The following ZNF385D variants were observed in gnomAD, a reference collection of about 807,000 sequenced individuals.
ZNF385D encodes zinc finger protein 659.
Under a neutral mutation model 35.8 loss-of-function variants are expected in ZNF385D, and 15 were observed. The ratio of observed to expected loss-of-function variants is 0.42; its 90% CI spans 0.28 to 0.64. The LOEUF (loss-of-function observed/expected upper bound fraction) is 0.64, where lower values mean the gene tolerates loss of function less well. Among genes scored for constraint, ZNF385D ranks in the 30% least tolerant of loss-of-function variants. The pLI is 0.23. For missense variants in ZNF385D, 474 were observed against 494.6 expected (o/e 0.96, Z 0.39); for synonymous variants, 212 against 186.8 (o/e 1.13, Z -1.10).
intron 3 of ZNF385D, among the ~76,000 whole-genome samples, chr3:21,761,738 C>A (rs2070619171): frequency 7.6e-6 from 1 of 131,968 alleles, no homozygotes. Flanking sequence ...GAATGCAGAT[C>A]CAATTTTCTC....
intron 1 of ZNF385D, among the ~76,000 whole-genome samples, chr3:21,705,415 C>T (rs1323342363): frequency 6.6e-6 from 1 of 152,092 alleles, no homozygotes; most frequent in Admixed American, 6.5e-5. Context: ...TATAGAAGTC[C>T]CAAAGAGCAT....
intron 3 of ZNF385D, among the ~76,000 whole-genome samples, chr3:21,766,249 T>G (rs1255940565): frequency 1.3e-5 from 2 of 152,118 alleles, no homozygotes; most frequent in Non-Finnish European, 2.9e-5. Flanking sequence ...AAGATTTACA[T>G]AGAAAGATGA....
intron 2 of ZNF385D, among the ~76,000 whole-genome samples, chr3:22,225,940 C>T (rs73821335): frequency 0.16 from 24,072 of 152,134 alleles, 1,990 homozygotes; most frequent in Middle Eastern, 0.23. Flanking sequence ...TGTCTCTTTA[C>T]AAAGAGCACA....
At chr3:21,602,187 G>A (rs967826203) in intron 2 of ZNF385D, among the ~76,000 whole-genome samples, 1 of 152,068 alleles carries the variant, frequency 6.6e-6, no homozygotes, top group Admixed American at 6.6e-5. Context: ...CAGGAGAACA[G>A]TATGGGGGAA....
intron 3 of ZNF385D, among the ~76,000 whole-genome samples, chr3:21,863,680 T>C (rs1697179618): frequency 6.6e-6 from 1 of 152,124 alleles, no homozygotes. Context: ...TCTGCAGTGA[T>C]ATAATTTCGA....
chr3:21,474,741 G>C (rs1372456907), intron 4 of ZNF385D, among the ~76,000 whole-genome samples: 1 of 152,086 alleles, frequency 6.6e-6, no homozygotes, highest in Non-Finnish European at 1.5e-5. Context: ...CCTCTCACAA[G>C]TCTTGCTGTC....
At chr3:22,131,637 CA>C (rs1036332029) in intron 3 of ZNF385D, among the ~76,000 whole-genome samples, 6 of 152,156 alleles carry the variant, frequency 3.9e-5, no homozygotes, top group African/African-American at 1.4e-4. Flanking sequence ...AAGGCCACTG[CA>C]AAGAGAACAG....
At position 21,811,885 on chromosome 3, in the gene ZNF385D, G is replaced by A. The variant is rs566996504; in HGVS notation, c.326-146857C>T. On this transcript the variant is annotated intron_variant, in intron 3 of 5. Coordinates refer to the ZNF385D transcript ENST00000494108. ...GGTGAATTGCATAATGAATAGATTA[G>A]GGTAACAAAACCTGATCCATTGATC... Among the ~76,000 whole-genome samples the A allele has an allele frequency of 1.4e-3, 211 of 152,198 alleles. 1 individual carries two copies. Among genetic ancestry groups the A allele is most frequent in the African/African-American group, 4.9e-3 (202 of 41,546 alleles).
rs996589616 is a variant in ZNF385D, at chr3:21,420,661, C to A, written c.*553G>T. 1 of 152,738 alleles carries A rather than the reference C, an allele frequency of 6.5e-6. No individual in the cohort carries two copies. The highest frequency in any genetic ancestry group is 1.5e-5 in the Non-Finnish European group (1 of 68,456). 9.5% of individuals were successfully genotyped at this position (152,738 alleles called of 1,614,324 possible). ...TAGTGGCATAGATTGAGACACAGCA[C>A]TATTGTTTTACAAGACATCTACTGT... On this transcript the variant is annotated 3_prime_UTR_variant, in exon 8 of 8. Coordinates refer to ENST00000281523, the MANE Select transcript of ZNF385D (RefSeq NM_024697.3).
At chr3:21,507,148 A>C (rs1335353558) in intron 4 of ZNF385D, among the ~76,000 whole-genome samples, 1 of 152,164 alleles carries the variant, frequency 6.6e-6, no homozygotes, top group Non-Finnish European at 1.5e-5. Context: ...TCAGTCAACT[A>C]GGTTTACAAT....
intron 3 of ZNF385D, among the ~76,000 whole-genome samples, chr3:22,150,320 T>C (rs1223620669): frequency 6.6e-6 from 1 of 152,156 alleles, no homozygotes. Context: ...TATATGTATG[T>C]ATTTATAAAA....
chr3:21,673,705 A>T (rs1451124249), intron 1 of ZNF385D, among the ~76,000 whole-genome samples: 1 of 152,168 alleles, frequency 6.6e-6, no homozygotes, highest in East Asian at 1.9e-4. Context: ...GTTAATGATT[A>T]AGTAAACACT....
chr3:22,290,058 T>C (rs554356450), intron 2 of ZNF385D, among the ~76,000 whole-genome samples: 23 of 152,178 alleles, frequency 1.5e-4, no homozygotes, highest in Non-Finnish European at 1.3e-4. Context: ...CATGCCTATA[T>C]AGAACTGCTA....
At chr3:21,748,095 C>A (rs1466145862) in intron 1 of ZNF385D, among the ~76,000 whole-genome samples, 2 of 152,092 alleles carry the variant, frequency 1.3e-5, no homozygotes, top group African/African-American at 4.8e-5. Flanking sequence ...GGTGACTGAA[C>A]AGCAAACTCT....
At chr3:22,314,844 G>A (rs767977833) in intron 2 of ZNF385D, among the ~76,000 whole-genome samples, 3 of 152,098 alleles carry the variant, frequency 2.0e-5, no homozygotes, top group Non-Finnish European at 4.4e-5. Context: ...TTTCCTGGAG[G>A]TCAGGACAGG....
intron 3 of ZNF385D, among the ~76,000 whole-genome samples, chr3:22,043,965 G>A (rs1324083105): frequency 2.0e-5 from 3 of 152,068 alleles, no homozygotes; most frequent in Non-Finnish European, 2.9e-5. Context: ...GCTGGAGTGG[G>A]TTGAGAATAA....
intron 3 of ZNF385D, among the ~76,000 whole-genome samples, chr3:21,886,044 T>C (rs962877664): frequency 2.6e-5 from 4 of 152,116 alleles, no homozygotes; most frequent in African/African-American, 9.7e-5. Context: ...TCCAGAATAA[T>C]GTTTGACCAA....
intron 3 of ZNF385D, among the ~76,000 whole-genome samples, chr3:22,060,050 G>A (rs1699612012): frequency 6.6e-6 from 1 of 152,152 alleles, no homozygotes; most frequent in African/African-American, 2.4e-5. Context: ...CTGGTTCTCA[G>A]ACCTTCAAAT....
At chr3:22,078,783 T>A (rs1700595256) in intron 3 of ZNF385D, among the ~76,000 whole-genome samples, 2 of 151,952 alleles carry the variant, frequency 1.3e-5, no homozygotes, top group Admixed American at 6.6e-5. Flanking sequence ...TGAAAATAAC[T>A]TTTTTTAATA....
Sources: allele counts gnomAD v4.1 joint callset (sites outside exome capture counted in the v4.1 genomes callset), GRCh38; gene constraint gnomAD v4.1.1; transcripts MANE v1.5; gene names NCBI Gene and HGNC (gene_info 2026-07-23, HGNC 2026-07-21).